The following TET2 variants were observed in gnomAD, a reference collection of about 807,000 sequenced individuals.
TET2 encodes the protein methylcytosine dioxygenase TET2.
A neutral mutation model predicts 142.9 loss-of-function variants in TET2; 299 were observed. The observed-to-expected ratio is 2.09, with a 90% CI of 1.90 to 2.30. The LOEUF is 2.30. Ranked by LOEUF, TET2 falls within the 30% of genes most tolerant of loss-of-function variation. The pLI is 0.00. For synonymous variants in TET2, 819 were observed against 849.0 expected (o/e 0.96, Z 0.61); for missense variants, 2,418 against 2,378.0 (o/e 1.02, Z -0.35).
intron 6 of TET2, among the ~76,000 whole-genome samples, chr4:105,253,606 C>T (rs557143414): frequency 6.6e-6 from 1 of 151,066 alleles, no homozygotes; most frequent in African/African-American, 2.4e-5. Context: ...CTAGCAAAGA[C>T]AACTTCTTTC....
In TET2 at chr4:105,237,358, G is replaced by A. The variant is rs190414776; in HGVS notation, c.3409+7G>A. ...CCATCTTGCAGATGTGTAGGTAAGT[G>A]CCAGAAATGTACTGAGACACATGGC... On this transcript the variant is annotated splice_region_variant and intron_variant, in intron 3 of 10. Transcript: ENST00000380013. The A allele has an allele frequency of 4.3e-6, 7 of 1,614,032 alleles. No individual in the cohort carries two copies. The highest frequency in any genetic ancestry group is 5.9e-6 in the Non-Finnish European group (7 of 1,179,974).
chr4:105,257,432 G>A (rs1481542489), intron 6 of TET2, among the ~76,000 whole-genome samples: 1 of 152,088 alleles, frequency 6.6e-6, no homozygotes, highest in Non-Finnish European at 1.5e-5. Flanking sequence ...CGAAGTCTTT[G>A]CTTGGTTAAC....
chr4:105,242,266 T>C (rs1239858901), intron 4 of TET2: 1 of 1,078,766 alleles, frequency 9.3e-7, no homozygotes, highest in Non-Finnish European at 1.1e-6. Flanking sequence ...CCTAAGTGCC[T>C]TTTTTTTGTT....
In TET2 at chr4:105,236,501, T is replaced by A; in HGVS notation, c.2559T>A (p.Leu853=). The change falls in exon 3 of 11, where the codon CTT becomes CTA. Residue 853 remains leucine (L), a synonymous_variant. Transcript: ENST00000380013. ...AAGAACAGACTACACATCCTGAACT[T>A]TTTGCAGGAAACAAGACCCAAAACT... ...ENKEQTTHPE[L]FAGNKTQNLH... 1 of 1,614,082 alleles carries A rather than the reference T, an allele frequency of 6.2e-7. No individual in the cohort carries two copies. The highest frequency in any genetic ancestry group is 8.5e-7 in the Non-Finnish European group (1 of 1,179,996).
At chr4:105,227,347 A>G (rs1287534556) in intron 2 of TET2, among the ~76,000 whole-genome samples, 1 of 152,212 alleles carries the variant, frequency 6.6e-6, no homozygotes, top group Non-Finnish European at 1.5e-5. Flanking sequence ...TTGATTGGCC[A>G]GCATCCTCTT....
At chr4:105,167,838 C>A (rs1724245448) in intron 1 of TET2, among the ~76,000 whole-genome samples, 1 of 152,194 alleles carries the variant, frequency 6.6e-6, no homozygotes, top group Admixed American at 6.5e-5. Context: ...TAAATGTCAT[C>A]ATTTCCCACT....
chr4:105,261,736 G>T, intron 7 of TET2, 23 bp from the exon 8 acceptor site: 1 of 1,408,684 alleles, frequency 7.1e-7, no homozygotes, highest in South Asian at 1.3e-5. Context: ...AATTTAATAT[G>T]TAGAATTATT....
intron 3 of TET2, chr4:105,237,673 G>T: frequency 7.4e-7 from 1 of 1,349,464 alleles, no homozygotes. Flanking sequence ...TTATCTCCTG[G>T]AGAGACAGCT....
intron 6 of TET2, among the ~76,000 whole-genome samples, chr4:105,256,342 T>G (rs1355853474): frequency 2.0e-5 from 3 of 152,136 alleles, no homozygotes; most frequent in African/African-American, 7.2e-5. Flanking sequence ...ATGTCCTAAT[T>G]TATTATATAA....
intron 2 of TET2, among the ~76,000 whole-genome samples, chr4:105,209,820 T>C (rs767050235): frequency 2.6e-5 from 4 of 152,114 alleles, no homozygotes; most frequent in Non-Finnish European, 5.9e-5. Flanking sequence ...GTGTTCAGCA[T>C]TGGGCTTCAG....
At chr4:105,175,283 GA>G (rs1238286389) in intron 1 of TET2, among the ~76,000 whole-genome samples, 4 of 152,012 alleles carry the variant, frequency 2.6e-5, no homozygotes, top group African/African-American at 9.7e-5. Flanking sequence ...TATCAGACCA[GA>G]AACTTTATAA....
intron 8 of TET2, among the ~76,000 whole-genome samples, chr4:105,268,046 A>G (rs1730774807): frequency 6.6e-6 from 1 of 152,160 alleles, no homozygotes; most frequent in Admixed American, 6.5e-5. Flanking sequence ...ATTTTTAACC[A>G]ACTGCTTCTA....
intron 2 of TET2, among the ~76,000 whole-genome samples, chr4:105,220,537 C>T (rs1727751887): frequency 6.6e-6 from 1 of 152,152 alleles, no homozygotes; most frequent in Admixed American, 6.6e-5. Flanking sequence ...CCTGATACCT[C>T]CCCTCCCCCT....
At chr4:105,260,606 C>T (rs2110286544) in intron 7 of TET2, among the ~76,000 whole-genome samples, 1 of 152,142 alleles carries the variant, frequency 6.6e-6, no homozygotes, top group South Asian at 2.1e-4. Context: ...ATTTCGAATA[C>T]AATTAAAATA....
intron 2 of TET2, among the ~76,000 whole-genome samples, chr4:105,205,191 A>G (rs1726744879): frequency 6.6e-6 from 1 of 152,204 alleles, no homozygotes; most frequent in Non-Finnish European, 1.5e-5. Flanking sequence ...AAAGAAAGGA[A>G]TAAAAATCTC....
rs1731302438 is a variant in TET2, at chr4:105,278,172, A to G, written c.*1653A>G. The G allele has an allele frequency of 5.9e-5, 1 of 16,848 alleles. No individual in the cohort carries two copies. Among genetic ancestry groups the G allele is most frequent in the East Asian group, 6.8e-4 (1 of 1,472 alleles). The allele number at this position is 16,848 out of a possible 1,614,324, so 1.0% of individuals were successfully genotyped here. ...TACTGTAAAAAAATTAAATATATACATATATATATATATATATATATATAT... is the reference window on the plus strand; with the variant it reads ...TACTGTAAAAAAATTAAATATATACGTATATATATATATATATATATATAT... On this transcript the variant is annotated 3_prime_UTR_variant, in exon 11 of 11. Transcript: ENST00000380013.
chr4:105,257,349 G>C (rs376598906), intron 6 of TET2, among the ~76,000 whole-genome samples: 10 of 152,200 alleles, frequency 6.6e-5, no homozygotes, highest in African/African-American at 2.4e-4. Flanking sequence ...ATATGTTACT[G>C]TTTCTGGTGG....
At chr4:105,173,487 T>G (rs1299023335) in intron 1 of TET2, among the ~76,000 whole-genome samples, 1 of 151,918 alleles carries the variant, frequency 6.6e-6, no homozygotes, top group Non-Finnish European at 1.5e-5. Flanking sequence ...GAGCCAAGAT[T>G]GCACCACTGC....
intron 1 of TET2, among the ~76,000 whole-genome samples, chr4:105,184,923 G>C (rs1311042576): frequency 6.6e-6 from 1 of 152,124 alleles, no homozygotes; most frequent in Non-Finnish European, 1.5e-5. Flanking sequence ...TCTATTACTG[G>C]GGCTTTGAAG....
Sources: gnomAD v4.1 joint callset for allele counts (sites outside exome capture counted in the v4.1 genomes callset) on GRCh38, gnomAD v4.1.1 for gene constraint, MANE v1.5 for transcripts, NCBI Gene and HGNC (gene_info 2026-07-23, HGNC 2026-07-21) for gene names.